Variants in CSGALNACT2 observed in about 807,000 individuals in gnomAD.
CSGALNACT2 encodes the protein chondroitin sulfate N-acetylgalactosaminyltransferase 2.
CSGALNACT2 carries 35 observed loss-of-function variants against 55.3 expected under a neutral mutation model. The observed-to-expected ratio is 0.63, with a 90% CI of 0.48 to 0.84. The LOEUF is 0.84. CSGALNACT2 is among the 40% of genes least tolerant of loss of function. The probability of loss-of-function intolerance (pLI) is 0.00; values close to 1 mark genes in which losing one functional copy is unlikely to be tolerated. For missense variants in CSGALNACT2, 544 were observed against 657.5 expected, an observed-to-expected ratio of 0.83 and a Z score of 1.89; for synonymous variants, 196 against 224.9, an observed-to-expected ratio of 0.87 and a Z score of 1.15.
At chr10:43,165,246 A>G (rs1039184244) in intron 5 of CSGALNACT2, among the ~76,000 whole-genome samples, 1 of 152,086 alleles carries the variant, frequency 6.6e-6, no homozygotes, top group Non-Finnish European at 1.5e-5. Flanking sequence ...GTATTAAAGA[A>G]TCTCAACAGG....
intron 3 of CSGALNACT2, among the ~76,000 whole-genome samples, chr10:43,159,526 A>G (rs1023298767): frequency 9.2e-5 from 14 of 152,114 alleles, no homozygotes; most frequent in Non-Finnish European, 1.6e-4. Context: ...TGACAAACGT[A>G]TACACTCACG....
intron 7 of CSGALNACT2, among the ~76,000 whole-genome samples, chr10:43,180,767 T>TAGTCC (rs1323781976): frequency 6.6e-6 from 1 of 152,202 alleles, no homozygotes; most frequent in Non-Finnish European, 1.5e-5. Context: ...AAGTGTTCTG[T>TAGTCC]AGTCCCATAA....
rs1226610644 is a variant in CSGALNACT2, at chr10:43,184,326, A to T, written c.*784A>T. On this transcript the variant is annotated 3_prime_UTR_variant, in exon 8 of 8. Transcript: ENST00000374466. ...TAATTATGTTGGAATACAGGATCCT[A>T]GCTCTGTCTGGGAACATTAGTTTAT... 6.6e-6 allele frequency: 1 copy of T among 152,216 alleles called. No homozygotes were observed. The highest frequency in any genetic ancestry group is 2.4e-5 in the African/African-American group (1 of 41,444). 9.4% of individuals were successfully genotyped at this position (152,216 alleles called of 1,614,324 possible).
chr10:43,167,515 A>T (rs1839292776), intron 6 of CSGALNACT2, among the ~76,000 whole-genome samples: 1 of 152,242 alleles, frequency 6.6e-6, no homozygotes, highest in Admixed American at 6.5e-5. Context: ...TATAAATGCC[A>T]TATATCAAAA....
chr10:43,148,513 A>G (rs1375208352), intron 1 of CSGALNACT2, among the ~76,000 whole-genome samples: 2 of 152,198 alleles, frequency 1.3e-5, no homozygotes, highest in African/African-American at 2.4e-5. Flanking sequence ...AAGCCTTCCA[A>G]TCATGAGTGT....
intron 1 of CSGALNACT2, among the ~76,000 whole-genome samples, chr10:43,142,815 T>C (rs1350237758): frequency 6.6e-6 from 1 of 152,212 alleles, no homozygotes. Context: ...TGGCAAGAAT[T>C]AGCTATCTAT....
intron 1 of CSGALNACT2, among the ~76,000 whole-genome samples, chr10:43,142,920 C>T (rs1351332400): frequency 6.6e-6 from 1 of 152,110 alleles, no homozygotes; most frequent in Non-Finnish European, 1.5e-5. Context: ...CTATTACCAC[C>T]ACCACCACCA....
intron 1 of CSGALNACT2, among the ~76,000 whole-genome samples, chr10:43,140,189 A>G (rs1289115523): frequency 1.3e-5 from 2 of 152,228 alleles, no homozygotes; most frequent in Non-Finnish European, 2.9e-5. Flanking sequence ...AGAAAAGAAA[A>G]AAAAAAGAGT....
At chr10:43,168,930 C>G (rs1229635967) in intron 6 of CSGALNACT2, among the ~76,000 whole-genome samples, 3 of 152,172 alleles carry the variant, frequency 2.0e-5, no homozygotes, top group Non-Finnish European at 2.9e-5. Flanking sequence ...AGAGAACAGA[C>G]TAGAATGTGT....
intron 6 of CSGALNACT2, among the ~76,000 whole-genome samples, chr10:43,173,285 C>A (rs1319532876): frequency 6.6e-6 from 1 of 152,122 alleles, no homozygotes; most frequent in Non-Finnish European, 1.5e-5. Flanking sequence ...TCAACTGGAG[C>A]CATAGTAGCC....
intron 1 of CSGALNACT2, among the ~76,000 whole-genome samples, chr10:43,142,781 CAA>C (rs768409976): frequency 6.6e-6 from 1 of 152,142 alleles, no homozygotes; most frequent in Non-Finnish European, 1.5e-5. Context: ...AAACTAGTGA[CAA>C]GAGCATGGAT....
chr10:43,167,167 G>T, intron 6 of CSGALNACT2, 69 bp downstream of exon 6: 1 of 995,854 alleles, frequency 1.0e-6, no homozygotes, highest in South Asian at 1.4e-5. Context: ...TGTGTAAGTA[G>T]AAAACAAAGT....
At chr10:43,139,915 G>A (rs1838581060) in intron 1 of CSGALNACT2, among the ~76,000 whole-genome samples, 1 of 152,222 alleles carries the variant, frequency 6.6e-6, no homozygotes, top group East Asian at 1.9e-4. Context: ...AATACTGTGG[G>A]CCTGGCGTGG....
intron 1 of CSGALNACT2, among the ~76,000 whole-genome samples, chr10:43,140,404 A>G (rs902962047): frequency 6.6e-6 from 1 of 152,248 alleles, no homozygotes; most frequent in Non-Finnish European, 1.5e-5. Flanking sequence ...ATTTTAACTA[A>G]TATAACATTC....
chr10:43,181,670 A>G (rs767404546), intron 7 of CSGALNACT2, among the ~76,000 whole-genome samples: 10 of 150,978 alleles, frequency 6.6e-5, no homozygotes, highest in Non-Finnish European at 1.3e-4. Context: ...CCCACTTACT[A>G]AGGAGGCTAA....
At chr10:43,162,799 A>G (rs1839180294) in intron 4 of CSGALNACT2, 1 of 907,042 alleles carries the variant, frequency 1.1e-6, no homozygotes, top group African/African-American at 1.8e-5. Flanking sequence ...GTCTGGCTGT[A>G]GTCTGAGAGT....
At chr10:43,148,714 AT>A (rs1325025787) in intron 1 of CSGALNACT2, among the ~76,000 whole-genome samples, 1 of 152,060 alleles carries the variant, frequency 6.6e-6, no homozygotes, top group African/African-American at 2.4e-5. Flanking sequence ...AATACAATTG[AT>A]TTTTGTATAT....
In CSGALNACT2 at chr10:43,170,031, A is replaced by G. The variant is rs11238463; in HGVS notation, c.1254+2933A>G. ...GAGTCCAGCAAAATGATAAATGTAT[A>G]CATTGAGAGAGGAGGACCTGAGAGT... is the stretch of plus-strand genomic sequence containing the variant. On this transcript the variant is annotated intron_variant, in intron 6 of 7. Coordinates refer to ENST00000374466, the MANE Select transcript of CSGALNACT2 (RefSeq NM_018590.5). Among the ~76,000 whole-genome samples the G allele has an allele frequency of 1.7e-3, 252 of 152,258 alleles. 4 individuals are homozygous for G. Among genetic ancestry groups the G allele is most frequent in the Non-Finnish European group, 1.5e-3 (99 of 68,046 alleles).
At chr10:43,154,348 A>G (rs541363873) in intron 1 of CSGALNACT2, among the ~76,000 whole-genome samples, 8 of 152,380 alleles carry the variant, frequency 5.3e-5, no homozygotes, top group Middle Eastern at 3.4e-3. Context: ...ATGCTGACGT[A>G]ATTTTAATGT....
Sources: allele counts gnomAD v4.1 joint callset (sites outside exome capture counted in the v4.1 genomes callset), GRCh38; gene constraint gnomAD v4.1.1; transcripts MANE v1.5; gene names NCBI Gene and HGNC (gene_info 2026-07-23, HGNC 2026-07-21).